TRAT1: variants seen among roughly 807,000 people sequenced by gnomAD.
TRAT1 encodes T-cell receptor-associated transmembrane adapter 1.
A neutral mutation model predicts 20.0 loss-of-function variants in TRAT1; 20 were observed. The ratio of observed to expected loss-of-function variants is 1.00; its 90% CI spans 0.70 to 1.45. The LOEUF is 1.45. Ranked by LOEUF, TRAT1 falls within the 40% of genes most tolerant of loss-of-function variation. The probability of loss-of-function intolerance (pLI) is 0.00; values close to 1 mark genes in which losing one functional copy is unlikely to be tolerated. For missense variants in TRAT1, 237 were observed against 224.1 expected (o/e 1.06, Z -0.37); for synonymous variants, 77 against 74.2 (o/e 1.04, Z -0.20).
intron 3 of TRAT1, among the ~76,000 whole-genome samples, chr3:108,846,094 C>T (rs1945939438): frequency 6.6e-6 from 1 of 152,164 alleles, no homozygotes; most frequent in Non-Finnish European, 1.5e-5. Flanking sequence ...AATTGTATCA[C>T]CCACTGAATA....
chr3:108,834,584 T>C (rs543688839), intron 2 of TRAT1, among the ~76,000 whole-genome samples: 1 of 152,334 alleles, frequency 6.6e-6, no homozygotes, highest in Non-Finnish European at 1.5e-5. Context: ...GAGATTCTAT[T>C]GTATCAACTG....
At chr3:108,824,525 G>A (rs1460323812) in intron 1 of TRAT1, among the ~76,000 whole-genome samples, 1 of 152,156 alleles carries the variant, frequency 6.6e-6, no homozygotes, top group African/African-American at 2.4e-5. Context: ...GTGATAGTCT[G>A]ATGACCTCTT....
rs145038954 is a variant in TRAT1 at position 108,834,765 on chromosome 3, G to C, written c.118+3985G>C. On this transcript the variant is annotated intron_variant, in intron 2 of 5. Transcript: ENST00000295756. ...CTGGTGTAATAAATAGCGTTCAAAA[G>C]AAAATCTCCATTTCAGCAACAATAC... Among the ~76,000 whole-genome samples the C allele has an allele frequency of 5.9e-5, 9 of 152,298 alleles. No homozygotes were observed. The East Asian group carries it at 1.7e-3, about 29-fold the overall frequency.
intron 4 of TRAT1, among the ~76,000 whole-genome samples, chr3:108,848,104 C>T (rs1042506008): frequency 6.6e-6 from 1 of 152,134 alleles, no homozygotes; most frequent in East Asian, 1.9e-4. Context: ...ACCTATAATA[C>T]TCAACTACTC....
At chr3:108,839,977 A>G (rs1225377788) in intron 3 of TRAT1, among the ~76,000 whole-genome samples, 1 of 152,146 alleles carries the variant, frequency 6.6e-6, no homozygotes, top group Non-Finnish European at 1.5e-5. Context: ...AAATCTAAAT[A>G]AAGAGAATTT....
chr3:108,848,572 C>A (rs1410744095), intron 4 of TRAT1, among the ~76,000 whole-genome samples: 1 of 152,160 alleles, frequency 6.6e-6, no homozygotes, highest in East Asian at 1.9e-4. Flanking sequence ...GGACACTGTA[C>A]AAAAGCCCCA....
In TRAT1 at chr3:108,838,356, T is replaced by TGATAGATAGATA. The variant is rs11371183; in HGVS notation, c.119-539_119-528dup. ...TAGATAGATGATAGATATAGATAGATGATAGATAGATAGATAGATAGATAG... is the reference window on the plus strand; with the variant it reads ...TAGATAGATGATAGATATAGATAGATGATAGATAGATAGATAGATAGATAGATAGATAGATAG... On this transcript the variant is annotated intron_variant, in intron 2 of 5. Coordinates refer to ENST00000295756, the MANE Select transcript of TRAT1 (RefSeq NM_016388.4). Among the ~76,000 whole-genome samples, 295 of 77,028 alleles carry TGATAGATAGATA rather than the reference T, an allele frequency of 3.8e-3. 1 individual carries two copies. The highest frequency in any genetic ancestry group is 6.7e-3 in the Middle Eastern group (1 of 150). 50.5% of individuals were successfully genotyped at this position (77,028 alleles called of 152,430 possible). A position where few individuals can be genotyped will look rare whatever the true frequency, so the allele number is the denominator to read the frequency against.
At chr3:108,835,014 T>A (rs1469655102) in intron 2 of TRAT1, among the ~76,000 whole-genome samples, 1 of 152,220 alleles carries the variant, frequency 6.6e-6, no homozygotes, top group African/African-American at 2.4e-5. Flanking sequence ...CAAAAACTAT[T>A]CTTTGTTTAA....
intron 5 of TRAT1, among the ~76,000 whole-genome samples, chr3:108,852,133 C>G (rs1485698357): frequency 6.6e-6 from 1 of 152,202 alleles, no homozygotes; most frequent in African/African-American, 2.4e-5. Flanking sequence ...ATAATCCCAG[C>G]ACTTTGGGAG....
intron 1 of TRAT1, among the ~76,000 whole-genome samples, chr3:108,828,964 A>T (rs556766976): frequency 3.3e-5 from 5 of 152,082 alleles, no homozygotes; most frequent in Non-Finnish European, 7.4e-5. Flanking sequence ...TCACACAGGC[A>T]AGGTCAAAAT....
intron 5 of TRAT1, 136 bp from the exon 6 acceptor site, chr3:108,853,483 TG>T: frequency 2.0e-6 from 2 of 987,726 alleles, no homozygotes; most frequent in Non-Finnish European, 3.0e-6. Context: ...TTTTGTTTTT[TG>T]TACTGACAAA....
At position 108,851,402 on chromosome 3, in the gene TRAT1, G is replaced by A. The variant is rs955232140; in HGVS notation, c.303+2148G>A. 2.0e-5 allele frequency among the ~76,000 whole-genome samples: 3 copies of A among 152,268 alleles called. No individual in the cohort carries two copies. The South Asian group carries it at 6.2e-4, about 32-fold the overall frequency. On this transcript the variant is annotated intron_variant, in intron 5 of 5. Transcript: ENST00000295756. ...AAACATTTGAAAAATACAAGTGTGA[G>A]CTTGCTCCTCTTCTCTTCATATCCA...
intron 3 of TRAT1, among the ~76,000 whole-genome samples, chr3:108,845,547 A>G (rs1347428805): frequency 6.6e-6 from 1 of 152,210 alleles, no homozygotes; most frequent in African/African-American, 2.4e-5. Context: ...TTATCAGATG[A>G]GTGAAGTGTT....
At chr3:108,845,421 T>A (rs1453777922) in intron 3 of TRAT1, among the ~76,000 whole-genome samples, 1 of 152,216 alleles carries the variant, frequency 6.6e-6, no homozygotes, top group Non-Finnish European at 1.5e-5. Flanking sequence ...ATTCTTCAGT[T>A]TTTGCTATTA....
chr3:108,840,537 T>TG (rs1945884995), intron 3 of TRAT1, among the ~76,000 whole-genome samples: 1 of 137,138 alleles, frequency 7.3e-6, no homozygotes, highest in Non-Finnish European at 1.6e-5. Context: ...AGGGCAAATG[T>TG]AAAAAAAAAA....
At chr3:108,826,837 T>C (rs1386907854) in intron 1 of TRAT1, among the ~76,000 whole-genome samples, 1 of 152,194 alleles carries the variant, frequency 6.6e-6, no homozygotes, top group Non-Finnish European at 1.5e-5. Context: ...TAAGGCATTA[T>C]ATTTATTGCT....
At chr3:108,847,229 A>C in intron 4 of TRAT1, 100 bp downstream of exon 4, 1 of 657,468 alleles carries the variant, frequency 1.5e-6, no homozygotes, top group Non-Finnish European at 2.6e-6. Context: ...ACACTTAGCT[A>C]TCCCAGTGAT....
intron 2 of TRAT1, among the ~76,000 whole-genome samples, chr3:108,836,317 A>G (rs76330658): frequency 0.014 from 2,168 of 152,308 alleles, 56 homozygotes; most frequent in African/African-American, 0.05. Context: ...TTTTAAAAAC[A>G]TTAGCCTGTT....
chr3:108,849,004 GT>G (rs1455844802), intron 4 of TRAT1, among the ~76,000 whole-genome samples, 161 bp from the exon 5 acceptor site: 4 of 152,164 alleles, frequency 2.6e-5, no homozygotes, highest in Non-Finnish European at 4.4e-5. Flanking sequence ...GCAGGTAACA[GT>G]TTGGGCTTCC....
Sources: allele counts gnomAD v4.1 joint callset (sites outside exome capture counted in the v4.1 genomes callset), GRCh38; gene constraint gnomAD v4.1.1; transcripts MANE v1.5; gene names NCBI Gene and HGNC (gene_info 2026-07-23, HGNC 2026-07-21).